GALNTL6: variants seen among roughly 807,000 people sequenced by gnomAD.
The protein encoded by GALNTL6 is polypeptide N-acetylgalactosaminyltransferase like 6.
GALNTL6 carries 46 observed loss-of-function variants against 73.7 expected under a neutral mutation model. That is an observed-to-expected ratio of 0.62 (90% CI 0.49 to 0.80). GALNTL6 has a LOEUF of 0.80. Ranked by LOEUF, GALNTL6 falls within the 30% of genes least tolerant of loss-of-function variation. The pLI is 0.00. For synonymous variants in GALNTL6, 259 were observed against 263.7 expected, an observed-to-expected ratio of 0.98 and a Z score of 0.17; for missense variants, 604 against 755.0, an observed-to-expected ratio of 0.80 and a Z score of 2.34.
chr4:171,869,784 T>C (rs906905401), intron 2 of GALNTL6, among the ~76,000 whole-genome samples: 1 of 152,124 alleles, frequency 6.6e-6, no homozygotes, highest in Non-Finnish European at 1.5e-5. Flanking sequence ...CTCGTGGTAG[T>C]GAATAAGTCC....
At chr4:171,912,585 T>C (rs1312737388) in intron 2 of GALNTL6, among the ~76,000 whole-genome samples, 1 of 152,202 alleles carries the variant, frequency 6.6e-6, no homozygotes, top group Non-Finnish European at 1.5e-5. Context: ...TAGACATTTT[T>C]GAAATATACA....
intron 2 of GALNTL6, among the ~76,000 whole-genome samples, chr4:171,896,798 T>C (rs1288522129): frequency 6.6e-6 from 1 of 152,120 alleles, no homozygotes; most frequent in African/African-American, 2.4e-5. Context: ...GCATCAACTG[T>C]GAAAATTAAG....
rs1033419729 is a variant in GALNTL6, at chr4:172,161,553, T to A, written c.139-68103T>A. Among the ~76,000 whole-genome samples the A allele has an allele frequency of 8.6e-5, 13 of 151,784 alleles. 1 individual carries two copies. The highest frequency in any genetic ancestry group is 3.9e-4 in the Admixed American group (6 of 15,216). On this transcript the variant is annotated intron_variant, in intron 2 of 12. Coordinates refer to ENST00000506823, the MANE Select transcript of GALNTL6 (RefSeq NM_001034845.3). ...CAACATCATTCAATGAGAATAAGGG[T>A]AGGGAGATTAGATCCAAGATCTTAG...
chr4:172,061,911 C>T lies in GALNTL6; in HGVS notation c.139-167745C>T, dbSNP rs372047927. ...GCTTTGGAATCTGTTATTTACCACC[C>T]ATTCCCTGCTTTTGAGCTTGGTATT... On this transcript the variant is annotated intron_variant, in intron 2 of 12. Transcript: ENST00000506823. 1.2e-4 allele frequency among the ~76,000 whole-genome samples: 18 copies of T among 150,860 alleles called. No homozygotes were observed. The South Asian group carries it at 3.8e-3, about 32-fold the overall frequency.
At chr4:171,886,548 C>T (rs182781545) in intron 2 of GALNTL6, among the ~76,000 whole-genome samples, 2 of 152,230 alleles carry the variant, frequency 1.3e-5, no homozygotes, top group East Asian at 1.9e-4. Context: ...CTGATAAAGG[C>T]ATACCTGAGA....
At chr4:172,468,115 C>G (rs1732904962) in intron 5 of GALNTL6, among the ~76,000 whole-genome samples, 1 of 152,084 alleles carries the variant, frequency 6.6e-6, no homozygotes, top group African/African-American at 2.4e-5. Flanking sequence ...TGTTCTCAAA[C>G]TCCTAGCCTT....
intron 5 of GALNTL6, among the ~76,000 whole-genome samples, chr4:172,682,227 T>A (rs1481653337): frequency 6.6e-6 from 1 of 152,090 alleles, no homozygotes; most frequent in African/African-American, 2.4e-5. Context: ...TCGTTATTAT[T>A]TAAGATAATT....
intron 2 of GALNTL6, among the ~76,000 whole-genome samples, chr4:171,970,739 C>T (rs1331810356): frequency 6.6e-6 from 1 of 151,966 alleles, no homozygotes; most frequent in Non-Finnish European, 1.5e-5. Context: ...GAAATGAGCA[C>T]AAAATGCAAA....
intron 2 of GALNTL6, among the ~76,000 whole-genome samples, chr4:171,993,051 A>G (rs1179752127): frequency 6.6e-6 from 1 of 151,868 alleles, no homozygotes; most frequent in Non-Finnish European, 1.5e-5. Context: ...CCCCCTTGAG[A>G]TGGTAATAAT....
chr4:172,908,137 T>A (rs1747005292), intron 8 of GALNTL6, among the ~76,000 whole-genome samples: 1 of 152,180 alleles, frequency 6.6e-6, no homozygotes, highest in East Asian at 1.9e-4. Flanking sequence ...CAGGAGGATG[T>A]GAGATTTCAT....
At chr4:172,780,493 A>AT (rs1435432308) in intron 5 of GALNTL6, among the ~76,000 whole-genome samples, 1 of 152,242 alleles carries the variant, frequency 6.6e-6, no homozygotes, top group Non-Finnish European at 1.5e-5. Flanking sequence ...GGTTTGAGGT[A>AT]TTAAAATGAC....
At chr4:172,824,889 T>C (rs964005142) in intron 7 of GALNTL6, among the ~76,000 whole-genome samples, 1 of 152,190 alleles carries the variant, frequency 6.6e-6, no homozygotes, top group Admixed American at 6.5e-5. Flanking sequence ...CAGAAGTCAT[T>C]AGTCTTTACT....
chr4:172,634,540 T>C (rs1486757367), intron 5 of GALNTL6, among the ~76,000 whole-genome samples: 2 of 152,132 alleles, frequency 1.3e-5, no homozygotes, highest in African/African-American at 4.8e-5. Flanking sequence ...TGGGTCCCTA[T>C]AGGCACTTCA....
chr4:172,506,466 A>AT (rs1734387748), intron 5 of GALNTL6, among the ~76,000 whole-genome samples: 1 of 54,462 alleles, frequency 1.8e-5, no homozygotes, highest in Admixed American at 2.6e-4. Flanking sequence ...GTCTCAGTAT[A>AT]TTGGTATGTT....
intron 5 of GALNTL6, among the ~76,000 whole-genome samples, chr4:172,501,891 C>T (rs1376675572): frequency 2.6e-5 from 4 of 151,984 alleles, no homozygotes; most frequent in Non-Finnish European, 5.9e-5. Context: ...ATTGTAGTTT[C>T]GATAAAAATT....
intron 8 of GALNTL6, among the ~76,000 whole-genome samples, chr4:172,920,284 G>A (rs985938787): frequency 6.6e-6 from 1 of 152,146 alleles, no homozygotes; most frequent in African/African-American, 2.4e-5. Flanking sequence ...CTATCTCAGA[G>A]AATAACCTCA....
chr4:172,417,798 T>G (rs1730898787), intron 5 of GALNTL6, among the ~76,000 whole-genome samples: 1 of 152,222 alleles, frequency 6.6e-6, no homozygotes, highest in African/African-American at 2.4e-5. Flanking sequence ...TCTGTTGTGT[T>G]TGTTTTTAGC....
chr4:171,819,856 T>A (rs1304115300), intron 2 of GALNTL6, among the ~76,000 whole-genome samples: 1 of 152,150 alleles, frequency 6.6e-6, no homozygotes, highest in Non-Finnish European at 1.5e-5. Flanking sequence ...ATCAGATCTT[T>A]AAAACCATCT....
chr4:172,153,157 TTATTC>T (rs1399057862), intron 2 of GALNTL6, among the ~76,000 whole-genome samples: 1 of 152,180 alleles, frequency 6.6e-6, no homozygotes, highest in Non-Finnish European at 1.5e-5. Context: ...TGTGGAGACT[TTATTC>T]TAAAACTTTA....
Sources: gnomAD v4.1 joint callset for allele counts (sites outside exome capture counted in the v4.1 genomes callset) on GRCh38, gnomAD v4.1.1 for gene constraint, MANE v1.5 for transcripts, NCBI Gene and HGNC (gene_info 2026-07-23, HGNC 2026-07-21) for gene names.